CSMD1: variants seen among roughly 807,000 people sequenced by gnomAD.
CSMD1 encodes CUB and Sushi multiple domains 1, also known as CUB and sushi domain-containing protein 1.
In CSMD1, 213 loss-of-function variants were observed where a neutral mutation model predicts 417.5. The observed-to-expected ratio is 0.51, with a 90% CI of 0.46 to 0.57. The LOEUF is 0.57. CSMD1 is among the 20% of genes least tolerant of loss of function. The pLI is 0.00. For missense variants in CSMD1, 6,923 were observed against 4,529.7 expected (o/e 1.53, Z -15.17); for synonymous variants, 2,862 against 1,736.8 (o/e 1.65, Z -16.11).
chr8:4,850,542 C>T (rs1425816371), intron 1 of CSMD1, among the ~76,000 whole-genome samples: 1 of 152,000 alleles, frequency 6.6e-6, no homozygotes, highest in Non-Finnish European at 1.5e-5. Flanking sequence ...TTGCACCACT[C>T]CTCCCCCAGC....
chr8:2,986,394 G>C (rs769673813), intron 54 of CSMD1, among the ~76,000 whole-genome samples: 3 of 152,166 alleles, frequency 2.0e-5, no homozygotes, highest in African/African-American at 4.8e-5. Context: ...CTAGGACTAG[G>C]TGGTGTGGGT....
Position 3,530,228 on chromosome 8 carries a change from T to C in CSMD1, c.1345-36502A>G, listed in dbSNP as rs1370539592. On this transcript the variant is annotated intron_variant, in intron 10 of 69. Transcript: ENST00000635120. Reference sequence around the variant, plus strand: ...GCTTCAGATTTAGTTTGCTCTTTTTTTATAGCTCTTTAAAATATATTAGGT... The same window carrying C: ...GCTTCAGATTTAGTTTGCTCTTTTTCTATAGCTCTTTAAAATATATTAGGT... Among the ~76,000 whole-genome samples, 9 of 152,334 alleles carry C rather than the reference T, an allele frequency of 5.9e-5. No individual in the cohort carries two copies. In the South Asian group the frequency reaches 1.0e-3, roughly 18 times the overall value.
chr8:4,277,565 C>G (rs995825226), intron 3 of CSMD1, among the ~76,000 whole-genome samples: 1 of 152,098 alleles, frequency 6.6e-6, no homozygotes, highest in Non-Finnish European at 1.5e-5. Flanking sequence ...ATGGATAGAG[C>G]TGCATGTCTA....
intron 6 of CSMD1, among the ~76,000 whole-genome samples, chr8:3,748,336 C>T (rs1797158064): frequency 6.6e-6 from 1 of 152,048 alleles, no homozygotes; most frequent in Admixed American, 6.5e-5. Flanking sequence ...TGAAACAATA[C>T]TTCATGCATC....
At chr8:4,097,718 A>G (rs928163436) in intron 3 of CSMD1, among the ~76,000 whole-genome samples, 2 of 152,206 alleles carry the variant, frequency 1.3e-5, no homozygotes, top group Non-Finnish European at 2.9e-5. Flanking sequence ...CATTCAACAT[A>G]AGGTTAATAC....
chr8:3,133,896 C>T (rs1053648223), intron 41 of CSMD1, among the ~76,000 whole-genome samples: 3 of 152,326 alleles, frequency 2.0e-5, no homozygotes, highest in African/African-American at 7.2e-5. Context: ...TCTGTCAGGC[C>T]GGGCGCGGTG....
chr8:4,817,054 T>C (rs1397288427), intron 1 of CSMD1, among the ~76,000 whole-genome samples: 1 of 152,168 alleles, frequency 6.6e-6, no homozygotes, highest in Non-Finnish European at 1.5e-5. Context: ...TTTATAGACA[T>C]ATATGAAGAA....
chr8:3,411,803 TAC>T (rs1433323911), intron 12 of CSMD1, among the ~76,000 whole-genome samples: 9 of 128,608 alleles, frequency 7.0e-5, no homozygotes, highest in East Asian at 6.2e-4. Context: ...CACGTATATA[TAC>T]ACGTATATAT....
intron 2 of CSMD1, among the ~76,000 whole-genome samples, chr8:4,596,827 G>A (rs1398746711): frequency 2.6e-5 from 4 of 152,156 alleles, no homozygotes; most frequent in African/African-American, 7.2e-5. Flanking sequence ...TTGTGGGAGG[G>A]ACCCAGGGGG....
At chr8:3,053,241 C>G (rs916585213) in intron 49 of CSMD1, among the ~76,000 whole-genome samples, 11 of 152,286 alleles carry the variant, frequency 7.2e-5, no homozygotes, top group Admixed American at 5.9e-4. Context: ...AGCTTAGCCG[C>G]AGTCTGACAT....
chr8:4,293,007 G>A (rs1797457194), intron 3 of CSMD1, among the ~76,000 whole-genome samples: 1 of 152,184 alleles, frequency 6.6e-6, no homozygotes, highest in African/African-American at 2.4e-5. Flanking sequence ...GTGCAGAGGG[G>A]CAAGGGAGGG....
chr8:3,097,054 C>T lies in CSMD1; in HGVS notation c.6950-17G>A. 6.7e-7 allele frequency: 1 copy of T among 1,499,172 alleles called. No individual in the cohort carries two copies. Among genetic ancestry groups the T allele is most frequent in the South Asian group, 1.3e-5 (1 of 76,168 alleles). 92.9% of individuals were successfully genotyped at this position (1,499,172 alleles called of 1,614,324 possible). On this transcript the variant is annotated splice_polypyrimidine_tract_variant and intron_variant, in intron 46 of 69. Transcript: ENST00000635120. ...GGCATTGTGCTGGAGAGAAAAGTACCAGCAAAAGTTTGCTTTAATAAAATG... is the reference window on the plus strand; with the variant it reads ...GGCATTGTGCTGGAGAGAAAAGTACTAGCAAAAGTTTGCTTTAATAAAATG...
At chr8:3,616,380 C>T (rs1584966067) in intron 8 of CSMD1, among the ~76,000 whole-genome samples, 1 of 152,142 alleles carries the variant, frequency 6.6e-6, no homozygotes, top group Non-Finnish European at 1.5e-5. Context: ...GATGTGTTTG[C>T]TTCCCCTTCT....
intron 1 of CSMD1, among the ~76,000 whole-genome samples, chr8:4,665,270 G>T (rs1408890168): frequency 1.3e-5 from 2 of 152,136 alleles, no homozygotes; most frequent in Non-Finnish European, 2.9e-5. Context: ...AAGTTTGGCT[G>T]GTTCTCTTTT....
At chr8:4,015,283 A>G (rs1563320378) in intron 4 of CSMD1, among the ~76,000 whole-genome samples, 1 of 152,210 alleles carries the variant, frequency 6.6e-6, no homozygotes, top group Admixed American at 6.5e-5. Flanking sequence ...TGTTTTAAAT[A>G]TCGCAGAATT....
intron 25 of CSMD1, among the ~76,000 whole-genome samples, chr8:3,298,207 C>G (rs1434454832): frequency 6.6e-6 from 1 of 152,100 alleles, no homozygotes; most frequent in Non-Finnish European, 1.5e-5. Flanking sequence ...TAGGATTCAC[C>G]ATTACCCAGC....
chr8:4,947,289 T>C (rs557124581), intron 1 of CSMD1, among the ~76,000 whole-genome samples: 2 of 152,198 alleles, frequency 1.3e-5, no homozygotes, highest in African/African-American at 2.4e-5. Flanking sequence ...TCAGGAAACC[T>C]ATAAGACCAT....
intron 2 of CSMD1, among the ~76,000 whole-genome samples, chr8:4,539,903 G>A (rs917874122): frequency 2.0e-5 from 3 of 152,044 alleles, no homozygotes; most frequent in Admixed American, 6.6e-5. Context: ...TTGGGTGTGC[G>A]GAAATCTCAG....
intron 1 of CSMD1, among the ~76,000 whole-genome samples, chr8:4,919,907 C>T: frequency 6.6e-6 from 1 of 152,140 alleles, no homozygotes; most frequent in South Asian, 2.1e-4. Flanking sequence ...AAGGTATTCT[C>T]TTGGAAGCAG....
Sources: allele counts gnomAD v4.1 joint callset (sites outside exome capture counted in the v4.1 genomes callset), GRCh38; gene constraint gnomAD v4.1.1; transcripts MANE v1.5; gene names NCBI Gene and HGNC (gene_info 2026-07-23, HGNC 2026-07-21).